Variants in SFRP1 observed in about 807,000 individuals in gnomAD.
SFRP1 encodes the protein secreted frizzled related protein 1, also known as secreted frizzled-related protein 1.
SFRP1 carries 9 observed loss-of-function variants against 25.9 expected under a neutral mutation model. The ratio of observed to expected loss-of-function variants is 0.35; its 90% confidence interval spans 0.21 to 0.61. SFRP1 has a LOEUF of 0.61. Among genes scored for constraint, SFRP1 ranks in the 20% least tolerant of loss-of-function variants. The pLI is 0.78. For missense variants in SFRP1, 346 were observed against 418.2 expected, an observed-to-expected ratio of 0.83 and a Z score of 1.51; for synonymous variants, 178 against 174.0, an observed-to-expected ratio of 1.02 and a Z score of -0.18.
intron 2 of SFRP1, among the ~76,000 whole-genome samples, chr8:41,301,516 C>A (rs1395433726): frequency 4.6e-5 from 7 of 152,204 alleles, no homozygotes. Context: ...GTTTCTCCTG[C>A]AACCAGCTCA....
intron 2 of SFRP1, among the ~76,000 whole-genome samples, chr8:41,286,886 A>C (rs1338913775): frequency 6.6e-6 from 1 of 152,198 alleles, no homozygotes; most frequent in African/African-American, 2.4e-5. Context: ...TTCTGGAGAG[A>C]AGCCAGTGGC....
In SFRP1 at chr8:41,264,546, CTG is replaced by C. The variant is rs1234151397; in HGVS notation, c.*619_*620del. On this transcript the variant is annotated 3_prime_UTR_variant, in exon 3 of 3. Coordinates refer to ENST00000220772, the MANE Select transcript of SFRP1 (RefSeq NM_003012.5). ...ATTCAAAGACAATCACACGGAAAGACTGTGGGCAGAGAAGGCAATGCCTCTCC... is the reference window on the plus strand; with the variant it reads ...ATTCAAAGACAATCACACGGAAAGACTGGGCAGAGAAGGCAATGCCTCTCC... 4 of 152,282 alleles carry C rather than the reference CTG, an allele frequency of 2.6e-5. No individual in the cohort carries two copies. The highest frequency in any genetic ancestry group is 5.9e-5 in the Non-Finnish European group (4 of 68,110). 9.4% of individuals were successfully genotyped at this position (152,282 alleles called of 1,614,324 possible).
At position 41,290,886 on chromosome 8, in the gene SFRP1, C is replaced by CTTTTTTTTTTTTTTTTT. The variant is rs561965318; in HGVS notation, c.622+12558_622+12574dup. ...GTCTTCTTCTCCTCCTCTTCCTCGT[C>CTTTTTTTTTTTTTTTTT]TTTTTTTTTTTTTTTTTTTTTTTTT... is the stretch of plus-strand genomic sequence containing the variant. On this transcript the variant is annotated intron_variant, in intron 2 of 2. Coordinates refer to ENST00000220772, the MANE Select transcript of SFRP1 (RefSeq NM_003012.5). Among the ~76,000 whole-genome samples the CTTTTTTTTTTTTTTTTT allele has an allele frequency of 7.8e-4, 42 of 53,888 alleles. 12 individuals are homozygous for CTTTTTTTTTTTTTTTTT. Among genetic ancestry groups the CTTTTTTTTTTTTTTTTT allele is most frequent in the Non-Finnish European group, 1.4e-3 (34 of 24,596 alleles). 35.4% of individuals were successfully genotyped at this position (53,888 alleles called of 152,430 possible). A position where few individuals can be genotyped will look rare whatever the true frequency, so the allele number is the denominator to read the frequency against.
intron 1 of SFRP1, among the ~76,000 whole-genome samples, chr8:41,307,910 T>C (rs1206477586): frequency 6.6e-6 from 1 of 152,098 alleles, no homozygotes; most frequent in Non-Finnish European, 1.5e-5. Flanking sequence ...TTTGTGTAAA[T>C]GAGAAAAGCA....
chr8:41,265,134 C>CCCCCCCG lies in SFRP1; in HGVS notation c.*32_*33insCGGGGGG. ...CTGTCCCCCCCGCTCCCACCCCACC[C>CCCCCCCG]GAGGCTCCCTCCCCACCCTGCCCCC... On this transcript the variant is annotated 3_prime_UTR_variant, in exon 3 of 3. Coordinates refer to ENST00000220772, the MANE Select transcript of SFRP1 (RefSeq NM_003012.5). 1.3e-6 allele frequency: 1 copy of CCCCCCCG among 745,304 alleles called. No homozygotes were observed. Among genetic ancestry groups the CCCCCCCG allele is most frequent in the East Asian group, 3.1e-5 (1 of 32,774 alleles). The allele number at this position is 745,304 out of a possible 1,614,324, so 46.2% of individuals were successfully genotyped here.
intron 2 of SFRP1, among the ~76,000 whole-genome samples, chr8:41,284,745 T>C (rs565021293): frequency 1.3e-5 from 2 of 152,288 alleles, no homozygotes; most frequent in African/African-American, 4.8e-5. Context: ...AAGAGCATTC[T>C]TAGGTGAGGC....
Position 41,265,119 on chromosome 8 carries a change from C to CCCG in SFRP1, c.*47_*48insCGG. 8.6e-6 allele frequency: 4 copies of CCCG among 464,792 alleles called. No individual in the cohort carries two copies. Among genetic ancestry groups the CCCG allele is most frequent in the Non-Finnish European group, 1.7e-5 (4 of 241,914 alleles). The allele number at this position is 464,792 out of a possible 1,614,324, so 28.8% of individuals were successfully genotyped here. Reference sequence around the variant, plus strand: ...CGGGTTCCCGGGGCACTGTCCCCCCCGCTCCCACCCCACCCGAGGCTCCCT... The same window carrying CCCG: ...CGGGTTCCCGGGGCACTGTCCCCCCCCCGGCTCCCACCCCACCCGAGGCTCCCT... On this transcript the variant is annotated 3_prime_UTR_variant, in exon 3 of 3. Transcript: ENST00000220772.
intron 2 of SFRP1, among the ~76,000 whole-genome samples, chr8:41,299,379 G>C (rs950920383): frequency 7.3e-5 from 11 of 151,236 alleles, no homozygotes; most frequent in African/African-American, 2.7e-4. Flanking sequence ...CTGGATGTTG[G>C]GGCTTCTTTT....
At chr8:41,305,346 G>C (rs1288248449) in intron 1 of SFRP1, among the ~76,000 whole-genome samples, 1 of 152,206 alleles carries the variant, frequency 6.6e-6, no homozygotes, top group Admixed American at 6.5e-5. Context: ...CGGCCAAGGA[G>C]GGCTCTGCAC....
At chr8:41,289,777 T>TC (rs1361149128) in intron 2 of SFRP1, among the ~76,000 whole-genome samples, 1 of 152,216 alleles carries the variant, frequency 6.6e-6, no homozygotes, top group Non-Finnish European at 1.5e-5. Flanking sequence ...ATAGGAGTGT[T>TC]CCCCAAACTT....
At chr8:41,308,492 C>T in intron 1 of SFRP1, 124 bp downstream of exon 1, 1 of 754,652 alleles carries the variant, frequency 1.3e-6, no homozygotes, top group Non-Finnish European at 2.1e-6. Context: ...CGAGCAACCT[C>T]GGGCCCTCAG....
Position 41,303,538 on chromosome 8 carries a change from C to G in SFRP1, c.545G>C (p.Gly182Ala). The G allele has an allele frequency of 1.9e-6, 3 of 1,612,952 alleles. No individual in the cohort carries two copies. Among genetic ancestry groups the G allele is most frequent in the Non-Finnish European group, 2.5e-6 (3 of 1,179,110 alleles). The change falls in exon 2 of 3, where the codon GGC (glycine) becomes GCC (alanine). Residue 182 changes from glycine to alanine, a missense_variant and splice_region_variant. Physicochemically the swap from Gly to Ala is moderately conservative, Grantham distance 60 (BLOSUM62 0). Coordinates refer to ENST00000220772, the MANE Select transcript of SFRP1 (RefSeq NM_003012.5). The part of the protein sequence containing the change: ...PNATEASKPQ[G>A]TTVCPPCDNE... Reference sequence around the variant, plus strand: ...GTCACAGGGAGGACACACCGTTGTGCCTGGGAAAGGAAGTAGGGAGAAACG... The same window carrying G: ...GTCACAGGGAGGACACACCGTTGTGGCTGGGAAAGGAAGTAGGGAGAAACG...
At position 41,308,865 on chromosome 8, in the gene SFRP1, G is replaced by A; in HGVS notation, c.295C>T (p.Pro99Ser). 1 of 1,610,242 alleles carries A rather than the reference G, an allele frequency of 6.2e-7. No homozygotes were observed. The highest frequency in any genetic ancestry group is 1.7e-5 in the Admixed American group (1 of 59,918). Residue 99 changes from proline (P) to serine (S), a missense_variant, in exon 1 of 3, where the codon CCC becomes TCC. Transcript: ENST00000220772. ...EVKQQASSWV[P>S]LLNKNCHAGT... Reference sequence around the variant, plus strand: ...GCGTGGCAGTTCTTGTTGAGCAGGGGCACCCAGCTGCTGGCCTGCTGCTTC... The same window carrying A: ...GCGTGGCAGTTCTTGTTGAGCAGGGACACCCAGCTGCTGGCCTGCTGCTTC...
In SFRP1 at chr8:41,308,735, G is replaced by A. The variant is rs768211131; in HGVS notation, c.425C>T (p.Pro142Leu). Reference sequence around the variant, plus strand: ...GTAGAAGCCGAAGAACTGCATGACCGGCTCGCACGAGTCGCGCACGGCCTC... The same window carrying A: ...GTAGAAGCCGAAGAACTGCATGACCAGCTCGCACGAGTCGCGCACGGCCTC... Reference protein sequence around the residue: ...LCEAVRDSCEPVMQFFGFYWP... With the variant: ...LCEAVRDSCELVMQFFGFYWP... Residue 142 changes from proline (P) to leucine (L), a missense_variant, in exon 1 of 3, where the codon CCG becomes CTG. Transcript: ENST00000220772. 1.2e-6 allele frequency: 2 copies of A among 1,608,628 alleles called. No homozygotes were observed. Among genetic ancestry groups the A allele is most frequent in the Non-Finnish European group, 1.7e-6 (2 of 1,177,838 alleles).
At chr8:41,306,581 G>C in intron 1 of SFRP1, 1 of 992,204 alleles carries the variant, frequency 1.0e-6, no homozygotes, top group South Asian at 1.7e-5. Context: ...TGCAGTCCTG[G>C]GGAGGGTGGT....
At position 41,309,300 on chromosome 8, in the gene SFRP1, C is replaced by T. The variant is rs1001613265; in HGVS notation, c.-141G>A. 172 of 1,022,158 alleles carry T rather than the reference C, an allele frequency of 1.7e-4. 1 individual carries two copies. In the South Asian group the frequency reaches 4.6e-3, roughly 27 times the overall value. The allele number at this position is 1,022,158 out of a possible 1,614,324, so 63.3% of individuals were successfully genotyped here. On this transcript the variant is annotated 5_prime_UTR_variant, in exon 1 of 3. Transcript: ENST00000220772. ...TGCCCGGCTCCGCGGCCGCAAGCTG[C>T]TGCCCGGTCCCCCCGGCCAGTGGCG...
chr8:41,308,734 C>G lies in SFRP1; in HGVS notation c.426G>C (p.Pro142=), dbSNP rs942441359. Residue 142 remains proline, a synonymous_variant, in exon 1 of 3, where the codon CCG becomes CCC. Transcript: ENST00000220772. ...AGTAGAAGCCGAAGAACTGCATGAC[C>G]GGCTCGCACGAGTCGCGCACGGCCT... The part of the protein sequence containing the change: ...LCEAVRDSCE[P]VMQFFGFYWP... The G allele has an allele frequency of 6.2e-7, 1 of 1,608,364 alleles. No homozygotes were observed.
At chr8:41,302,096 A>G (rs1162862661) in intron 2 of SFRP1, among the ~76,000 whole-genome samples, 1 of 152,264 alleles carries the variant, frequency 6.6e-6, no homozygotes, top group African/African-American at 2.4e-5. Context: ...TTCCACCCTC[A>G]ATCTGTATCT....
intron 2 of SFRP1, among the ~76,000 whole-genome samples, chr8:41,283,698 G>A (rs1803663811): frequency 6.6e-6 from 1 of 151,732 alleles, no homozygotes. Context: ...GAGTAGCTGG[G>A]ATTACAGGCA....
Sources: gnomAD v4.1 joint callset for allele counts (sites outside exome capture counted in the v4.1 genomes callset) on GRCh38, gnomAD v4.1.1 for gene constraint, MANE v1.5 for transcripts, NCBI Gene and HGNC (gene_info 2026-07-23, HGNC 2026-07-21) for gene names.